Variants in APBB2 observed in about 807,000 individuals in gnomAD.
APBB2 encodes the protein amyloid beta precursor protein binding family B member 2.
Under a neutral mutation model 82.5 loss-of-function variants are expected in APBB2, and 38 were observed. The ratio of observed to expected loss-of-function variants is 0.46; its 90% CI spans 0.36 to 0.60. The LOEUF is 0.60. APBB2 is among the 20% of genes least tolerant of loss of function. The pLI is 0.00. For synonymous variants in APBB2, 341 were observed against 368.2 expected (o/e 0.93, Z 0.85); for missense variants, 772 against 972.3 (o/e 0.79, Z 2.74).
chr4:41,058,255 C>T (rs1453036231), intron 4 of APBB2, among the ~76,000 whole-genome samples: 1 of 151,448 alleles, frequency 6.6e-6, no homozygotes, highest in Non-Finnish European at 1.5e-5. Context: ...GACTGCAAAT[C>T]TCTACCCTGG....
intron 1 of APBB2, among the ~76,000 whole-genome samples, chr4:41,186,404 C>T (rs1386427052): frequency 6.6e-6 from 1 of 152,164 alleles, no homozygotes; most frequent in Non-Finnish European, 1.5e-5. Flanking sequence ...TGGTATGCAC[C>T]TAGCTTTGCA....
chr4:40,934,928 C>A, intron 8 of APBB2, 149 bp downstream of exon 8: 1 of 728,374 alleles, frequency 1.4e-6, no homozygotes, highest in Admixed American at 2.9e-5. Context: ...AAAAAGGCAA[C>A]AGGAGTGTGA....
intron 1 of APBB2, among the ~76,000 whole-genome samples, chr4:41,197,170 G>A: frequency 1.3e-5 from 2 of 151,888 alleles, no homozygotes; most frequent in African/African-American, 4.8e-5. Context: ...CCAATGTCTG[G>A]CCTATTTTAA....
chr4:41,185,728 C>T (rs1013701974), intron 1 of APBB2, among the ~76,000 whole-genome samples: 1 of 152,130 alleles, frequency 6.6e-6, no homozygotes, highest in Non-Finnish European at 1.5e-5. Flanking sequence ...GCCCTATAAC[C>T]GGCTAGTCAT....
At chr4:41,106,855 T>C (rs533906794) in intron 2 of APBB2, among the ~76,000 whole-genome samples, 1 of 152,138 alleles carries the variant, frequency 6.6e-6, no homozygotes. Flanking sequence ...GGAGAAATAG[T>C]TGGGTCTGGG....
intron 3 of APBB2, among the ~76,000 whole-genome samples, chr4:41,070,976 T>C (rs1579763077): frequency 6.6e-6 from 1 of 152,240 alleles, no homozygotes; most frequent in Non-Finnish European, 1.5e-5. Flanking sequence ...CCATAATATA[T>C]TCACTATCAC....
chr4:40,930,593 T>C (rs1783987774), intron 10 of APBB2, among the ~76,000 whole-genome samples: 1 of 152,166 alleles, frequency 6.6e-6, no homozygotes, highest in African/African-American at 2.4e-5. Context: ...GATTTGGAAG[T>C]GTCCCCATCC....
At chr4:40,861,428 G>A (rs946199301) in intron 12 of APBB2, among the ~76,000 whole-genome samples, 8 of 152,188 alleles carry the variant, frequency 5.3e-5, no homozygotes, top group African/African-American at 1.9e-4. Flanking sequence ...CTGGGAGGCT[G>A]AGGCAGAAGG....
rs113983351 is a variant in APBB2 at position 41,132,120 on chromosome 4, C to T, written c.-261+10867G>A. On this transcript the variant is annotated intron_variant, in intron 2 of 17. Coordinates refer to ENST00000508593, the MANE Select transcript of APBB2 (RefSeq NM_004307.2). ...CATATGAAATATGGATAAAGGTTAG[C>T]ACAATGCCTTTCTTCTCCAGACTAC... Among the ~76,000 whole-genome samples, 354 of 152,170 alleles carry T rather than the reference C, an allele frequency of 2.3e-3. 1 individual carries two copies. The highest frequency in any genetic ancestry group is 8.2e-3 in the African/African-American group (341 of 41,520).
At chr4:41,062,331 C>A (rs1730164577) in intron 4 of APBB2, among the ~76,000 whole-genome samples, 1 of 132,042 alleles carries the variant, frequency 7.6e-6, no homozygotes, top group Non-Finnish European at 1.6e-5. Context: ...CTCAAACACA[C>A]CCAGCTAATT....
chr4:40,980,305 T>C (rs1300822728), intron 6 of APBB2, among the ~76,000 whole-genome samples: 2 of 152,240 alleles, frequency 1.3e-5, no homozygotes, highest in Non-Finnish European at 2.9e-5. Flanking sequence ...ATTACAGTCA[T>C]GAGCCACTGC....
At chr4:40,957,908 A>T (rs1792106445) in intron 6 of APBB2, among the ~76,000 whole-genome samples, 1 of 152,224 alleles carries the variant, frequency 6.6e-6, no homozygotes. Flanking sequence ...TCATAAAAGT[A>T]TGCAGATAGG....
At chr4:40,849,396 T>G (rs918644540) in intron 12 of APBB2, among the ~76,000 whole-genome samples, 5 of 152,214 alleles carry the variant, frequency 3.3e-5, no homozygotes, top group Non-Finnish European at 7.3e-5. Flanking sequence ...CTTGGAACAT[T>G]TGTCTAAATG....
intron 6 of APBB2, among the ~76,000 whole-genome samples, chr4:40,984,154 A>G (rs1052243502): frequency 3.3e-5 from 5 of 152,312 alleles, no homozygotes; most frequent in African/African-American, 1.2e-4. Context: ...GCTCATCAGT[A>G]TACATACTGT....
chr4:41,187,105 C>G (rs558983468), intron 1 of APBB2, among the ~76,000 whole-genome samples: 1 of 152,198 alleles, frequency 6.6e-6, no homozygotes, highest in Admixed American at 6.5e-5. Flanking sequence ...GAAATAAAAT[C>G]AAGTCAGAGA....
chr4:41,047,696 T>A (rs1723944630), intron 4 of APBB2, among the ~76,000 whole-genome samples: 1 of 152,214 alleles, frequency 6.6e-6, no homozygotes, highest in Non-Finnish European at 1.5e-5. Context: ...GATCCCAGAA[T>A]CCTTAGTTTA....
intron 4 of APBB2, among the ~76,000 whole-genome samples, chr4:41,055,138 A>G (rs1325056936): frequency 6.6e-6 from 1 of 152,210 alleles, no homozygotes; most frequent in East Asian, 1.9e-4. Flanking sequence ...TTGGTCTGTA[A>G]TGGGCTTTTC....
At chr4:41,046,356 G>A (rs1324593009) in intron 4 of APBB2, among the ~76,000 whole-genome samples, 1 of 152,220 alleles carries the variant, frequency 6.6e-6, no homozygotes, top group African/African-American at 2.4e-5. Flanking sequence ...ATGGAAAATG[G>A]CTCACAGAGC....
chr4:40,816,230 C>T lies in APBB2; in HGVS notation c.2142G>A (p.Arg714=), dbSNP rs1343861755. The change falls in exon 18 of 18, where the codon AGG becomes AGA. Residue 714 remains arginine (R), a synonymous_variant. Transcript: ENST00000508593. ...GTGGTCGAACTTTCTGAGAAGGCGG[C>T]CTGGCTACCAAGCACTTCTGATATC... The part of the protein sequence containing the change: ...MLRYQKCLVA[R]PPSQKVRPPP... The T allele has an allele frequency of 2.5e-6, 4 of 1,613,976 alleles. No individual in the cohort carries two copies. Among genetic ancestry groups the T allele is most frequent in the Middle Eastern group, 1.6e-4 (1 of 6,084 alleles).
Sources: allele counts gnomAD v4.1 joint callset (sites outside exome capture counted in the v4.1 genomes callset), GRCh38; gene constraint gnomAD v4.1.1; transcripts MANE v1.5; gene names NCBI Gene and HGNC (gene_info 2026-07-23, HGNC 2026-07-21).